PLCB1: variants seen among roughly 807,000 people sequenced by gnomAD.
PLCB1 encodes the protein phospholipase C beta 1.
PLCB1 carries 46 observed loss-of-function variants against 161.8 expected under a neutral mutation model. That is an observed-to-expected ratio of 0.28 (90% confidence interval 0.22 to 0.36). The LOEUF (loss-of-function observed/expected upper bound fraction) is 0.36, where lower values mean the gene tolerates loss of function less well. PLCB1 is among the 10% of genes least tolerant of loss of function. The pLI, the probability that PLCB1 is intolerant of heterozygous loss-of-function variation, is 1.00. For synonymous variants in PLCB1, 517 were observed against 503.7 expected, an observed-to-expected ratio of 1.03 and a Z score of -0.35; for missense variants, 1,016 against 1,472.5, an observed-to-expected ratio of 0.69 and a Z score of 5.07.
chr20:8,529,416 A>G (rs911239181), intron 3 of PLCB1, among the ~76,000 whole-genome samples: 1 of 152,022 alleles, frequency 6.6e-6, no homozygotes, highest in South Asian at 2.1e-4. Context: ...GCATATGCTC[A>G]AGGAACATTT....
At chr20:8,635,535 A>G (rs979167646) in intron 4 of PLCB1, among the ~76,000 whole-genome samples, 12 of 152,134 alleles carry the variant, frequency 7.9e-5, no homozygotes, top group Non-Finnish European at 1.5e-5. Context: ...ATTCATTACG[A>G]TGGCTTCCAT....
intron 26 of PLCB1, among the ~76,000 whole-genome samples, chr20:8,773,767 A>C (rs1316007770): frequency 6.6e-6 from 1 of 152,198 alleles, no homozygotes; most frequent in African/African-American, 2.4e-5. Flanking sequence ...TGAGGTCAAG[A>C]GTTTGAGACC....
chr20:8,268,063 C>A (rs1381735238), intron 2 of PLCB1, among the ~76,000 whole-genome samples: 1 of 151,940 alleles, frequency 6.6e-6, no homozygotes, highest in Admixed American at 6.6e-5. Flanking sequence ...GTGTGCTGCA[C>A]CCATTAACTC....
At chr20:8,195,132 C>CT (rs1178420574) in intron 2 of PLCB1, among the ~76,000 whole-genome samples, 6 of 151,932 alleles carry the variant, frequency 3.9e-5, no homozygotes, top group Non-Finnish European at 8.8e-5. Flanking sequence ...ATTTTTACAT[C>CT]TTTTTTTGCA....
intron 31 of PLCB1, among the ~76,000 whole-genome samples, chr20:8,823,996 T>C (rs1985564563): frequency 6.6e-6 from 1 of 152,158 alleles, no homozygotes; most frequent in Non-Finnish European, 1.5e-5. Flanking sequence ...TGACACCCAC[T>C]ATACTTCTCT....
At chr20:8,297,892 G>GTTTT (rs749268293) in intron 2 of PLCB1, among the ~76,000 whole-genome samples, 9 of 132,718 alleles carry the variant, frequency 6.8e-5, no homozygotes, top group African/African-American at 2.4e-4. Context: ...TTCTTTTTGG[G>GTTTT]TTTTTTTTTT....
chr20:8,657,401 G>A, intron 8 of PLCB1, 117 bp downstream of exon 8: 2 of 702,258 alleles, frequency 2.8e-6, no homozygotes, highest in South Asian at 3.1e-5. Context: ...GTGTCTAAAA[G>A]CAATATTCCT....
chr20:8,186,686 T>C (rs1600223276), intron 2 of PLCB1, among the ~76,000 whole-genome samples: 1 of 152,284 alleles, frequency 6.6e-6, no homozygotes, highest in East Asian at 1.9e-4. Flanking sequence ...ATCATGGGAT[T>C]AAATGTGCAA....
At chr20:8,206,369 T>A (rs1424115225) in intron 2 of PLCB1, among the ~76,000 whole-genome samples, 1 of 152,164 alleles carries the variant, frequency 6.6e-6, no homozygotes, top group East Asian at 1.9e-4. Flanking sequence ...GCCCCTCAGT[T>A]AAATTTGCTT....
At chr20:8,384,990 G>A (rs1242326405) in intron 3 of PLCB1, among the ~76,000 whole-genome samples, 1 of 152,186 alleles carries the variant, frequency 6.6e-6, no homozygotes, top group Admixed American at 6.5e-5. Context: ...CCACGTTGGA[G>A]GGTCTTACCC....
chr20:8,281,867 G>A (rs916961909), intron 2 of PLCB1, among the ~76,000 whole-genome samples: 67 of 151,910 alleles, frequency 4.4e-4, no homozygotes, highest in African/African-American at 1.5e-3. Context: ...CTCAATTGTA[G>A]GGAGGTTTGA....
At chr20:8,244,936 T>C (rs1218167464) in intron 2 of PLCB1, among the ~76,000 whole-genome samples, 1 of 151,636 alleles carries the variant, frequency 6.6e-6, no homozygotes, top group South Asian at 2.1e-4. Context: ...ATTTGTTATA[T>C]TGTGAAAATA....
intron 7 of PLCB1, chr20:8,653,658 G>T (rs1473863490): frequency 6.6e-6 from 1 of 151,828 alleles, no homozygotes; most frequent in African/African-American, 2.4e-5. Flanking sequence ...CATTTTTTCT[G>T]ATTTTTTTCC....
chr20:8,448,829 A>G (rs925037107), intron 3 of PLCB1, among the ~76,000 whole-genome samples: 4 of 152,188 alleles, frequency 2.6e-5, no homozygotes, highest in African/African-American at 9.6e-5. Context: ...AACCAACCTC[A>G]ATAGTTTAAG....
At chr20:8,368,692 A>G (rs560896702) in intron 2 of PLCB1, among the ~76,000 whole-genome samples, 1 of 152,312 alleles carries the variant, frequency 6.6e-6, no homozygotes, top group East Asian at 1.9e-4. Flanking sequence ...TTAGTGTTTT[A>G]TAAATAATTA....
intron 11 of PLCB1, among the ~76,000 whole-genome samples, chr20:8,699,199 G>C (rs897671766): frequency 1.3e-5 from 2 of 152,208 alleles, no homozygotes; most frequent in African/African-American, 4.8e-5. Context: ...TGTTGCCTGG[G>C]ATACCTGGGT....
intron 31 of PLCB1, among the ~76,000 whole-genome samples, chr20:8,818,529 G>GA (rs1328344784): frequency 1.3e-5 from 2 of 152,094 alleles, no homozygotes; most frequent in Non-Finnish European, 2.9e-5. Context: ...TAACTATTCA[G>GA]AATAATCTAC....
At chr20:8,763,985 C>T (rs180967695) in intron 25 of PLCB1, among the ~76,000 whole-genome samples, 128 of 151,968 alleles carry the variant, frequency 8.4e-4, no homozygotes, top group Admixed American at 2.0e-3. Context: ...GCCAACATGG[C>T]GAAACCCCGT....
chr20:8,422,327 G>T (rs1273200832), intron 3 of PLCB1, among the ~76,000 whole-genome samples: 1 of 152,132 alleles, frequency 6.6e-6, no homozygotes, highest in Non-Finnish European at 1.5e-5. Flanking sequence ...TATGATTATT[G>T]GTTTTTTCTG....
Sources: allele counts gnomAD v4.1 joint callset (sites outside exome capture counted in the v4.1 genomes callset), GRCh38; gene constraint gnomAD v4.1.1; transcripts MANE v1.5; gene names NCBI Gene and HGNC (gene_info 2026-07-23, HGNC 2026-07-21).